Variants in ZNF596 observed in about 807,000 individuals in gnomAD.
The protein encoded by ZNF596 is zinc finger protein 596.
Under a neutral mutation model 48.3 loss-of-function variants are expected in ZNF596, and 45 were observed. The observed-to-expected ratio is 0.93, with a 90% confidence interval of 0.73 to 1.19. The LOEUF is 1.19. Ranked by LOEUF, ZNF596 falls within the 50% of genes most tolerant of loss-of-function variation. ZNF596 has a pLI of 0.00. For missense variants in ZNF596, 848 were observed against 599.7 expected, an observed-to-expected ratio of 1.41 and a Z score of -4.32; for synonymous variants, 270 against 202.0, an observed-to-expected ratio of 1.34 and a Z score of -2.85.
intron 4 of ZNF596, 29 bp from the exon 5 acceptor site, chr8:244,590 T>C (rs1796984476): frequency 2.6e-6 from 4 of 1,541,790 alleles, no homozygotes; most frequent in Non-Finnish European, 3.6e-6. Context: ...AATGCCTATA[T>C]AGCATCTTTT....
chr8:232,549 C>T lies in ZNF596; in HGVS notation c.-218C>T, dbSNP rs1796447707. 2 of 306,850 alleles carry T rather than the reference C, an allele frequency of 6.5e-6. No individual in the cohort carries two copies. Among genetic ancestry groups the T allele is most frequent in the Non-Finnish European group, 1.3e-5 (2 of 149,116 alleles). 19.0% of individuals were successfully genotyped at this position (306,850 alleles called of 1,614,324 possible). A position where few individuals can be genotyped will look rare whatever the true frequency, so the allele number is the denominator to read the frequency against. The stretch of plus-strand genomic sequence containing the variant: ...ACCGCCCTCCTGTCGGCGGGGAGTC[C>T]CGCGACGCCCGGAAATGCTCCGAAG... On this transcript the variant is annotated 5_prime_UTR_variant, in exon 1 of 6. Coordinates refer to ENST00000398612, the MANE Select transcript of ZNF596 (RefSeq NM_001042416.3).
At chr8:242,096 A>G (rs1796875251) in intron 2 of ZNF596, among the ~76,000 whole-genome samples, 1 of 152,202 alleles carries the variant, frequency 6.6e-6, no homozygotes, top group Admixed American at 6.5e-5. Context: ...GCCAAACTAT[A>G]TCACCTGGTG....
At chr8:244,829 G>C in intron 5 of ZNF596, 128 bp downstream of exon 5, 2 of 776,272 alleles carry the variant, frequency 2.6e-6, no homozygotes, top group South Asian at 1.9e-5. Context: ...TTTGGATTTA[G>C]TGAAGACGTT....
intron 2 of ZNF596, 89 bp downstream of exon 2, chr8:240,996 G>A: frequency 6.7e-7 from 1 of 1,483,560 alleles, no homozygotes; most frequent in South Asian, 1.1e-5. Context: ...GATGTTCTAA[G>A]TGCACTCAAG....
rs751478981 is a variant in ZNF596, at chr8:246,103, A to T, written c.1256A>T (p.Tyr419Phe). 1 of 1,613,550 alleles carries T rather than the reference A, an allele frequency of 6.2e-7. No homozygotes were observed. Among genetic ancestry groups the T allele is most frequent in the Non-Finnish European group, 8.5e-7 (1 of 1,179,452 alleles). Reference protein sequence around the residue: ...HERTHTGEKPYECHLCGKAFN... With the variant: ...HERTHTGEKPFECHLCGKAFN... ...AGAACTCACACTGGAGAAAAACCATATGAATGCCATCTATGCGGAAAAGCC... is the reference window on the plus strand; with the variant it reads ...AGAACTCACACTGGAGAAAAACCATTTGAATGCCATCTATGCGGAAAAGCC... The change falls in exon 6 of 6, where the codon TAT (tyrosine) becomes TTT (phenylalanine). Residue 419 changes from tyrosine to phenylalanine, a missense_variant. Physicochemically the swap from Tyr to Phe is conservative, Grantham distance 22. Transcript: ENST00000398612.
Position 246,397 on chromosome 8 carries a change from C to G in ZNF596, c.*35C>G. 6.5e-7 allele frequency: 1 copy of G among 1,532,990 alleles called. No individual in the cohort carries two copies. The highest frequency in any genetic ancestry group is 8.7e-7 in the Non-Finnish European group (1 of 1,147,464). The allele number at this position is 1,532,990 out of a possible 1,614,324, so 95.0% of individuals were successfully genotyped here. Reference sequence around the variant, plus strand: ...GCTGTAGCGTTAACACTAAATACACCAAGGACAAACATACTACAGGAATAT... The same window carrying G: ...GCTGTAGCGTTAACACTAAATACACGAAGGACAAACATACTACAGGAATAT... On this transcript the variant is annotated 3_prime_UTR_variant, in exon 6 of 6. Transcript: ENST00000398612.
rs559499738 is a variant in ZNF596 at position 240,914 on chromosome 8, G to C, written c.12+7G>C. On this transcript the variant is annotated splice_region_variant and intron_variant, in intron 2 of 5. Coordinates refer to ENST00000398612, the MANE Select transcript of ZNF596 (RefSeq NM_001042416.3). Reference sequence around the variant, plus strand: ...TAGTACAATGCCATCACCGGTGAGTGGGAAATTCTTCTTTCTACTGAAATT... The same window carrying C: ...TAGTACAATGCCATCACCGGTGAGTCGGAAATTCTTCTTTCTACTGAAATT... 1 of 1,614,088 alleles carries C rather than the reference G, an allele frequency of 6.2e-7. No homozygotes were observed. The highest frequency in any genetic ancestry group is 1.7e-5 in the Admixed American group (1 of 60,010).
At chr8:236,547 T>G (rs1281493503) in intron 1 of ZNF596, among the ~76,000 whole-genome samples, 1 of 152,206 alleles carries the variant, frequency 6.6e-6, no homozygotes, top group African/African-American at 2.4e-5. Context: ...TGTTGAGATT[T>G]TATTGATTAA....
intron 1 of ZNF596, among the ~76,000 whole-genome samples, chr8:238,734 G>A (rs1347501896): frequency 6.6e-6 from 1 of 151,772 alleles, no homozygotes; most frequent in African/African-American, 2.4e-5. Flanking sequence ...TTGAATCCAG[G>A]AGGTGGAGGT....
chr8:244,656 C>T lies in ZNF596; in HGVS notation c.261C>T (p.Phe87=), dbSNP rs774314783. 1 of 1,613,084 alleles carries T rather than the reference C, an allele frequency of 6.2e-7. No homozygotes were observed. The highest frequency in any genetic ancestry group is 1.1e-5 in the South Asian group (1 of 90,974). ...EVGIKHQEIP[F]IQHIYQKGTS... ...GCATTAAACATCAAGAGATACCATTCATTCAACATATCTATCAGAAGGGCA... is the reference window on the plus strand; with the variant it reads ...GCATTAAACATCAAGAGATACCATTTATTCAACATATCTATCAGAAGGGCA... The change falls in exon 5 of 6, where the codon TTC becomes TTT. Residue 87 remains phenylalanine, a synonymous_variant. Transcript: ENST00000398612.
intron 1 of ZNF596, among the ~76,000 whole-genome samples, chr8:238,107 C>G (rs1563063704): frequency 6.6e-6 from 1 of 152,186 alleles, no homozygotes; most frequent in East Asian, 1.9e-4. Context: ...TTAGTGATGC[C>G]TGTGGAGATT....
At chr8:244,419 C>T (rs772308312) in intron 4 of ZNF596, 200 bp from the exon 5 acceptor site, 18 of 559,058 alleles carry the variant, frequency 3.2e-5, no homozygotes, top group Admixed American at 3.5e-5. Context: ...TTTCCTTCCT[C>T]GACTTGCCTT....
rs1266790466 is a variant in ZNF596 at position 246,129 on chromosome 8, TTCAA to T, written c.1286_1289del (p.Asn429ThrfsTer73). ...TGAATGCCATCTATGCGGAAAAGCCTTCAATCACTCTTCTGTCCTTAGACGACAT... is the reference window on the plus strand; with the variant it reads ...TGAATGCCATCTATGCGGAAAAGCCTTCACTCTTCTGTCCTTAGACGACAT... On this transcript the variant is annotated frameshift_variant, in exon 6 of 6. Coordinates refer to ENST00000398612, the MANE Select transcript of ZNF596 (RefSeq NM_001042416.3). LOFTEE classifies it high-confidence loss of function. 6.2e-7 allele frequency: 1 copy of T among 1,613,398 alleles called. No homozygotes were observed. Among genetic ancestry groups the T allele is most frequent in the Non-Finnish European group, 8.5e-7 (1 of 1,179,452 alleles).
chr8:240,854 G>A lies in ZNF596; in HGVS notation c.-42G>A, dbSNP rs773010771. Reference sequence around the variant, plus strand: ...TCTTCTTAGTGCTTGGATGGTGTGAGTGAAAACCCAGAGGAATACATTTGG... The same window carrying A: ...TCTTCTTAGTGCTTGGATGGTGTGAATGAAAACCCAGAGGAATACATTTGG... On this transcript the variant is annotated 5_prime_UTR_variant, in exon 2 of 6. In the 5' UTR this introduces an upstream ATG that the reference lacks. Coordinates refer to ENST00000398612, the MANE Select transcript of ZNF596 (RefSeq NM_001042416.3). The A allele has an allele frequency of 6.2e-7, 1 of 1,613,548 alleles. No individual in the cohort carries two copies. The highest frequency in any genetic ancestry group is 8.5e-7 in the Non-Finnish European group (1 of 1,179,636).
intron 3 of ZNF596, 57 bp from the exon 4 acceptor site, chr8:243,665 C>G: frequency 6.4e-7 from 1 of 1,568,934 alleles, no homozygotes; most frequent in South Asian, 1.1e-5. Flanking sequence ...TATCTGATAA[C>G]CTTGTACATT....
Position 246,221 on chromosome 8 carries a change from A to G in ZNF596, c.1374A>G (p.Arg458=), listed in dbSNP as rs746378595. 1 of 1,614,146 alleles carries G rather than the reference A, an allele frequency of 6.2e-7. No individual in the cohort carries two copies. The highest frequency in any genetic ancestry group is 1.7e-5 in the Admixed American group (1 of 60,032). ...ECNICGKAFN[R]SYNFRLHRRV... is the part of the protein sequence containing the mutation. Reference sequence around the variant, plus strand: ...ATATATGTGGTAAAGCCTTCAATAGAAGTTACAACTTTAGACTTCATAGAA... The same window carrying G: ...ATATATGTGGTAAAGCCTTCAATAGGAGTTACAACTTTAGACTTCATAGAA... Residue 458 remains arginine (R), a synonymous_variant, in exon 6 of 6, where the codon AGA becomes AGG. Coordinates refer to ENST00000398612, the MANE Select transcript of ZNF596 (RefSeq NM_001042416.3).
At chr8:241,452 A>G (rs1165688172) in intron 2 of ZNF596, among the ~76,000 whole-genome samples, 1 of 152,206 alleles carries the variant, frequency 6.6e-6, no homozygotes, top group African/African-American at 2.4e-5. Context: ...TAATGTCTTG[A>G]GAGAATAAAT....
At chr8:243,961 C>G (rs1460513071) in intron 4 of ZNF596, 156 bp downstream of exon 4, 2 of 519,938 alleles carry the variant, frequency 3.8e-6, no homozygotes, top group African/African-American at 3.9e-5. Flanking sequence ...GATCTCGGCT[C>G]ACTGCAACCT....
intron 1 of ZNF596, among the ~76,000 whole-genome samples, chr8:233,874 G>A (rs1389650188): frequency 1.3e-5 from 2 of 152,074 alleles, no homozygotes; most frequent in African/African-American, 2.4e-5. Context: ...AAATCTTTAG[G>A]GGGCAGGGAT....
Sources: allele counts gnomAD v4.1 joint callset (sites outside exome capture counted in the v4.1 genomes callset), GRCh38; gene constraint gnomAD v4.1.1; transcripts MANE v1.5; gene names NCBI Gene and HGNC (gene_info 2026-07-23, HGNC 2026-07-21).